Variants in NEMP1 observed in about 807,000 individuals in gnomAD.
NEMP1 encodes the protein nuclear envelope integral membrane protein 1, also known as transmembrane protein 194.
A neutral mutation model predicts 53.7 loss-of-function variants in NEMP1; 29 were observed. That is an observed-to-expected ratio of 0.54 (90% CI 0.40 to 0.74). NEMP1 has a LOEUF of 0.74. NEMP1 is among the 30% of genes least tolerant of loss of function. The pLI is 0.00. For synonymous variants in NEMP1, 193 were observed against 192.9 expected (o/e 1.00, Z 0.00); for missense variants, 477 against 528.6 (o/e 0.90, Z 0.96).
chr12:57,080,893 CAAA>C (rs60838518), upstream of NEMP1, among the ~76,000 whole-genome samples: 6 of 86,972 alleles, frequency 6.9e-5, no homozygotes, highest in Admixed American at 1.3e-4. Flanking sequence ...TCTCTTGTCT[CAAA>C]AAAAAAAAAA....
In NEMP1 at chr12:57,057,034, G is replaced by A. The variant is rs2031558473; in HGVS notation, c.*2845C>T. On this transcript the variant is annotated 3_prime_UTR_variant, in exon 9 of 9. Coordinates refer to ENST00000300128, the MANE Select transcript of NEMP1 (RefSeq NM_001130963.2). ...GTAATGAAGTTGCTAAATTTTCCTT[G>A]TTTTTGATCCCTGTGTTCTGTTGGT... The A allele has an allele frequency of 2.0e-5, 3 of 152,188 alleles. No individual in the cohort carries two copies. In the South Asian group the frequency reaches 6.2e-4, roughly 31 times the overall value. 9.4% of individuals were successfully genotyped at this position (152,188 alleles called of 1,614,324 possible).
chr12:57,073,829 A>C (rs373669098), intron 1 of NEMP1, among the ~76,000 whole-genome samples: 18 of 151,996 alleles, frequency 1.2e-4, no homozygotes, highest in African/African-American at 4.3e-4. Context: ...TCTGAGATTC[A>C]CCCCCAGGTC....
intron 4 of NEMP1, among the ~76,000 whole-genome samples, chr12:57,068,049 G>A (rs1054962070): frequency 2.6e-5 from 4 of 151,824 alleles, no homozygotes; most frequent in Admixed American, 1.3e-4. Context: ...AGGATTACAG[G>A]GGTGAGCCAC....
chr12:57,079,838 A>G (rs879275836), upstream of NEMP1, among the ~76,000 whole-genome samples: 2 of 152,160 alleles, frequency 1.3e-5, no homozygotes, highest in Admixed American at 6.6e-5. Context: ...CAGCACCATC[A>G]CAGCTCAGTG....
intron 7 of NEMP1, among the ~76,000 whole-genome samples, chr12:57,062,845 A>G (rs1179999049): frequency 2.0e-5 from 3 of 152,200 alleles, no homozygotes; most frequent in Non-Finnish European, 4.4e-5. Flanking sequence ...CTCCATCTCA[A>G]AAAAACAGTG....
chr12:57,076,699 C>T (rs918812406), intron 1 of NEMP1, among the ~76,000 whole-genome samples: 1 of 151,954 alleles, frequency 6.6e-6, no homozygotes. Flanking sequence ...CCCAGCTACT[C>T]GGGAGGCAGA....
rs62621200 is a variant in NEMP1 at position 57,078,761 on chromosome 12, C to T, written c.-16G>A. On this transcript the variant is annotated 5_prime_UTR_variant, in exon 1 of 9. The change creates a new upstream start codon in the 5' untranslated region. Transcript: ENST00000300128. Reference sequence around the variant, plus strand: ...CTCCCGCCATGGTTGCCTCAAGCCACCTCCTCCTCACGTGCCTTACCCCAG... The same window carrying T: ...CTCCCGCCATGGTTGCCTCAAGCCATCTCCTCCTCACGTGCCTTACCCCAG... 31,188 of 1,606,464 alleles carry T rather than the reference C, an allele frequency of 0.019. 398 individuals carry two copies. Among genetic ancestry groups the T allele is most frequent in the Non-Finnish European group, 0.023 (27,110 of 1,174,800 alleles).
upstream of NEMP1, among the ~76,000 whole-genome samples, chr12:57,080,820 G>A (rs775327098): frequency 5.3e-5 from 8 of 151,816 alleles, no homozygotes; most frequent in Non-Finnish European, 8.8e-5. Flanking sequence ...GAGCCCAGGA[G>A]GCAGAGGTTG....
chr12:57,062,465 G>A (rs374303702), intron 7 of NEMP1, among the ~76,000 whole-genome samples: 185 of 151,634 alleles, frequency 1.2e-3, no homozygotes, highest in African/African-American at 4.3e-3. Context: ...GGGTGACAGA[G>A]AGAGACTCTG....
At position 57,060,905 on chromosome 12, in the gene NEMP1, G is replaced by T. The variant is rs761605634; in HGVS notation, c.1021C>A (p.Leu341Ile). 1 of 1,614,132 alleles carries T rather than the reference G, an allele frequency of 6.2e-7. No individual in the cohort carries two copies. The change falls in exon 8 of 9, where the codon CTC becomes ATC. Residue 341 changes from leucine (L) to isoleucine (I), a missense_variant. Leu to Ile is a conservative substitution (Grantham distance 5, BLOSUM62 2). Coordinates refer to ENST00000300128, the MANE Select transcript of NEMP1 (RefSeq NM_001130963.2). ...KGAEKPVPPR[L>I]LTEEEYRIQG... Reference sequence around the variant, plus strand: ...ATCCGATATTCTTCTTCTGTCAGGAGACGAGGGGGAACAGGCTTTTCTGCT... The same window carrying T: ...ATCCGATATTCTTCTTCTGTCAGGATACGAGGGGGAACAGGCTTTTCTGCT...
At chr12:57,064,210 G>C in intron 5 of NEMP1, 25 bp from the exon 6 acceptor site, 9 of 1,450,856 alleles carry the variant, frequency 6.2e-6, no homozygotes, top group Non-Finnish European at 8.5e-6. Flanking sequence ...AGAAGTGAAA[G>C]CAAAAAGTTA....
At chr12:57,085,697 C>T (rs2032970375) in intron 1 of NEMP1, among the ~76,000 whole-genome samples, 1 of 152,222 alleles carries the variant, frequency 6.6e-6, no homozygotes, top group Non-Finnish European at 1.5e-5. Context: ...GCCAGGACTT[C>T]GGCCTACTAC....
rs2031588403 is a variant in NEMP1 at position 57,057,580 on chromosome 12, G to C, written c.*2299C>G. 6.6e-6 allele frequency: 1 copy of C among 152,368 alleles called. No individual in the cohort carries two copies. Among genetic ancestry groups the C allele is most frequent in the African/African-American group, 2.4e-5 (1 of 41,460 alleles). 9.4% of individuals were successfully genotyped at this position (152,368 alleles called of 1,614,324 possible). A position where few individuals can be genotyped will look rare whatever the true frequency, so the allele number is the denominator to read the frequency against. On this transcript the variant is annotated 3_prime_UTR_variant, in exon 9 of 9. Coordinates refer to ENST00000300128, the MANE Select transcript of NEMP1 (RefSeq NM_001130963.2). ...CCAGAGCAGCACCGTCCTTCACTGT[G>C]TGAGAGCAACTCTCAGGCTGCAGAA...
At chr12:57,086,690 G>A (rs564036686) in intron 1 of NEMP1, among the ~76,000 whole-genome samples, 5 of 152,312 alleles carry the variant, frequency 3.3e-5, no homozygotes, top group South Asian at 2.1e-4. Context: ...TGGGCGGGAA[G>A]AACAGACATC....
intron 1 of NEMP1, among the ~76,000 whole-genome samples, chr12:57,087,015 C>T (rs2033014981): frequency 6.6e-6 from 1 of 152,232 alleles, no homozygotes; most frequent in African/African-American, 2.4e-5. Context: ...CTCTCACACA[C>T]GGGTTCGCAC....
In NEMP1 at chr12:57,069,268, G is replaced by C; in HGVS notation, c.511C>G (p.Leu171Val). The C allele has an allele frequency of 6.5e-7, 1 of 1,546,762 alleles. No homozygotes were observed. The highest frequency in any genetic ancestry group is 1.2e-5 in the South Asian group (1 of 82,666). ...PKLFLVFLLG[L>V]MLFFCGDLLS... is the part of the protein sequence containing the mutation. ...AAGTCTCCACAAAAAAATAGCATAAGTCCAAGAAGGAAAACAAGAAAGAGT... is the reference window on the plus strand; with the variant it reads ...AAGTCTCCACAAAAAAATAGCATAACTCCAAGAAGGAAAACAAGAAAGAGT... Residue 171 changes from leucine (L) to valine (V), a missense_variant, in exon 4 of 9, where the codon CTT becomes GTT. By Grantham distance (32) the Leu-to-Val change is conservative. Transcript: ENST00000300128.
Position 57,056,951 on chromosome 12 carries a change from G to C in NEMP1, c.*2928C>G, listed in dbSNP as rs1469964378. The stretch of plus-strand genomic sequence containing the variant: ...AGACGTAAAAATCATGAATTTGAGG[G>C]GAAAAATAAACTAGTTTTGGTGGGA... On this transcript the variant is annotated 3_prime_UTR_variant, in exon 9 of 9. Coordinates refer to ENST00000300128, the MANE Select transcript of NEMP1 (RefSeq NM_001130963.2). 2 of 152,104 alleles carry C rather than the reference G, an allele frequency of 1.3e-5. No homozygotes were observed. The highest frequency in any genetic ancestry group is 2.9e-5 in the Non-Finnish European group (2 of 68,016). The allele number at this position is 152,104 out of a possible 1,614,324, so 9.4% of individuals were successfully genotyped here.
rs17119407 is a variant in NEMP1 at position 57,058,525 on chromosome 12, T to A, written c.*1354A>T. 2.6e-5 allele frequency: 4 copies of A among 152,192 alleles called. No homozygotes were observed. Among genetic ancestry groups the A allele is most frequent in the Admixed American group, 1.3e-4 (2 of 15,284 alleles). The allele number at this position is 152,192 out of a possible 1,614,324, so 9.4% of individuals were successfully genotyped here. A position where few individuals can be genotyped will look rare whatever the true frequency, so the allele number is the denominator to read the frequency against. ...AGAATTTGCTTCCTCACAGATGACA[T>A]TGCTGGTTTATAAGGGGTACTTTGC... On this transcript the variant is annotated 3_prime_UTR_variant, in exon 9 of 9. Coordinates refer to ENST00000300128, the MANE Select transcript of NEMP1 (RefSeq NM_001130963.2).
chr12:57,059,965 C>T lies in NEMP1; in HGVS notation c.1249G>A (p.Asp417Asn). 6.2e-7 allele frequency: 1 copy of T among 1,613,700 alleles called. No homozygotes were observed. Among genetic ancestry groups the T allele is most frequent in the Non-Finnish European group, 8.5e-7 (1 of 1,179,944 alleles). ...EYGLGSIIAQDEIYEEASSEE... is the reference protein window; with the variant it reads ...EYGLGSIIAQNEIYEEASSEE... Reference sequence around the variant, plus strand: ...GAGGATGCTTCCTCATAGATTTCATCCTGGGCAATAATGCTCCCTAATCCA... The same window carrying T: ...GAGGATGCTTCCTCATAGATTTCATTCTGGGCAATAATGCTCCCTAATCCA... The change falls in exon 9 of 9, where the codon GAT (aspartate) becomes AAT (asparagine). Residue 417 changes from aspartate (D) to asparagine (N), a missense_variant. Asp to Asn is a conservative substitution (Grantham distance 23, BLOSUM62 1). Coordinates refer to ENST00000300128, the MANE Select transcript of NEMP1 (RefSeq NM_001130963.2).
Sources: gnomAD v4.1 joint callset for allele counts (sites outside exome capture counted in the v4.1 genomes callset) on GRCh38, gnomAD v4.1.1 for gene constraint, MANE v1.5 for transcripts, NCBI Gene and HGNC (gene_info 2026-07-23, HGNC 2026-07-21) for gene names.